ITGB6: variants seen among roughly 807,000 people sequenced by gnomAD.
The protein encoded by ITGB6 is integrin subunit beta 6.
ITGB6 carries 80 observed loss-of-function variants against 84.5 expected under a neutral mutation model. That is an observed-to-expected ratio of 0.95 (90% CI 0.79 to 1.14). ITGB6 has a LOEUF of 1.14. ITGB6 is among the 50% of genes most tolerant of loss of function. ITGB6 has a pLI of 0.00. For synonymous variants in ITGB6, 383 were observed against 354.9 expected (o/e 1.08, Z -0.89); for missense variants, 1,006 against 968.0 (o/e 1.04, Z -0.52).
chr2:160,110,187 G>A (rs1443590699), intron 13 of ITGB6, among the ~76,000 whole-genome samples: 1 of 152,148 alleles, frequency 6.6e-6, no homozygotes, highest in Non-Finnish European at 1.5e-5. Context: ...GGCTGCCAGA[G>A]CTCCTCCAAC....
At chr2:160,117,160 G>T (rs891641580) in intron 12 of ITGB6, among the ~76,000 whole-genome samples, 3 of 151,784 alleles carry the variant, frequency 2.0e-5, no homozygotes, top group Admixed American at 2.0e-4. Flanking sequence ...TGCACCAAGC[G>T]GACCTAATAG....
chr2:160,142,219 T>G, intron 7 of ITGB6, 148 bp from the exon 8 acceptor site: 1 of 581,932 alleles, frequency 1.7e-6, no homozygotes, highest in Non-Finnish European at 3.1e-6. Flanking sequence ...CTCCTGAAAC[T>G]GTAGCCTTTA....
chr2:160,137,686 C>A lies in ITGB6; in HGVS notation c.1408G>T (p.Gly470Trp), dbSNP rs55841905. Residue 470 changes from glycine to tryptophan, a missense_variant, in exon 10 of 15, where the codon GGG (glycine) becomes TGG (tryptophan). Coordinates refer to ENST00000283249, the MANE Select transcript of ITGB6 (RefSeq NM_000888.5). ...VEVNSSKCHH[G>W]NGSFQCGVCA... is the part of the protein sequence containing the mutation. ...ACCCCACACTGGAAAGAGCCGTTCC[C>A]GTGGTGACATTTGGAGCTGTTCACT... is the stretch of plus-strand genomic sequence containing the variant. 2 of 1,614,158 alleles carry A rather than the reference C, an allele frequency of 1.2e-6. No individual in the cohort carries two copies. The highest frequency in any genetic ancestry group is 1.7e-5 in the Admixed American group (1 of 60,024).
Position 160,101,772 on chromosome 2 carries a change from CCT to C in ITGB6, c.2329_2330del (p.Arg777GlyfsTer18). On this transcript the variant is annotated frameshift_variant, in exon 15 of 15. Transcript: ENST00000283249. LOFTEE classifies it high-confidence loss of function. ...STFKNVTYKH[R>X]EKQKVDLSTD... ...TGGAAAGGTCTACCTTTTGTTTTTC[CCT>C]GTGTTTATAAGTTACATTTTTAAAA... 1 of 1,599,820 alleles carries C rather than the reference CCT, an allele frequency of 6.3e-7. No individual in the cohort carries two copies. Among genetic ancestry groups the C allele is most frequent in the Non-Finnish European group, 8.6e-7 (1 of 1,168,454 alleles).
chr2:160,123,348 C>T (rs188851183), intron 12 of ITGB6, among the ~76,000 whole-genome samples: 1 of 152,204 alleles, frequency 6.6e-6, no homozygotes, highest in East Asian at 1.9e-4. Flanking sequence ...AACCAGAAAC[C>T]ACCCAGTATC....
At position 160,200,119 on chromosome 2, in the gene ITGB6, C is replaced by G; in HGVS notation, c.-56G>C. On this transcript the variant is annotated 5_prime_UTR_variant, in exon 1 of 15. Coordinates refer to ENST00000283249, the MANE Select transcript of ITGB6 (RefSeq NM_000888.5). Reference sequence around the variant, plus strand: ...AAAAAATGAATTACCTTCAGCGTTACAAGACCAACGCTGAATATCGTTAAA... The same window carrying G: ...AAAAAATGAATTACCTTCAGCGTTAGAAGACCAACGCTGAATATCGTTAAA... 7.4e-7 allele frequency: 1 copy of G among 1,347,360 alleles called. No homozygotes were observed. Among genetic ancestry groups the G allele is most frequent in the Non-Finnish European group, 1.1e-6 (1 of 939,486 alleles). 83.5% of individuals were successfully genotyped at this position (1,347,360 alleles called of 1,614,324 possible). A position where few individuals can be genotyped will look rare whatever the true frequency, so the allele number is the denominator to read the frequency against.
chr2:160,112,364 G>A (rs1682573867), intron 12 of ITGB6, among the ~76,000 whole-genome samples, 165 bp from the exon 13 acceptor site: 1 of 151,552 alleles, frequency 6.6e-6, no homozygotes, highest in South Asian at 2.1e-4. Flanking sequence ...TGAGGTTTTC[G>A]TTTTCACTCA....
At chr2:160,173,174 A>G (rs1685284340) in intron 5 of ITGB6, among the ~76,000 whole-genome samples, 1 of 152,162 alleles carries the variant, frequency 6.6e-6, no homozygotes, top group South Asian at 2.1e-4. Flanking sequence ...TTAGGCACAT[A>G]TTTCTCTTTC....
chr2:160,121,536 G>C (rs1369104270), intron 12 of ITGB6, among the ~76,000 whole-genome samples: 1 of 152,176 alleles, frequency 6.6e-6, no homozygotes, highest in Non-Finnish European at 1.5e-5. Context: ...TGTAATCCCA[G>C]CAATTTGGGA....
At chr2:160,115,272 C>T (rs774846913) in intron 12 of ITGB6, among the ~76,000 whole-genome samples, 6 of 152,220 alleles carry the variant, frequency 3.9e-5, no homozygotes, top group Admixed American at 6.5e-5. Context: ...ACACCTCACA[C>T]AGCCGGGTAC....
Position 160,172,691 on chromosome 2 carries a change from C to G in ITGB6, c.799G>C (p.Val267Leu), listed in dbSNP as rs139649173. ...TGAGAATCAGCATCACTCACAAAGA[C>G]CAGGAGGTGGAGGGAGTCATTCCGC... ...GWRNDSLHLL[V>L]FVSDADSHFG... Residue 267 changes from valine (V) to leucine (L), a missense_variant, in exon 6 of 15, where the codon GTC becomes CTC. Physicochemically the swap from Val to Leu is conservative, Grantham distance 32. Transcript: ENST00000283249. 6.2e-7 allele frequency: 1 copy of G among 1,606,286 alleles called. No individual in the cohort carries two copies. Among genetic ancestry groups the G allele is most frequent in the African/African-American group, 1.3e-5 (1 of 74,788 alleles).
intron 4 of ITGB6, among the ~76,000 whole-genome samples, chr2:160,177,615 T>C (rs1231316567): frequency 3.9e-5 from 6 of 152,128 alleles, no homozygotes; most frequent in Non-Finnish European, 8.8e-5. Flanking sequence ...ATTTTTTTCT[T>C]TGTAGTTTGT....
chr2:160,173,019 T>C (rs1685276080), intron 5 of ITGB6, among the ~76,000 whole-genome samples: 1 of 152,150 alleles, frequency 6.6e-6, no homozygotes, highest in African/African-American at 2.4e-5. Flanking sequence ...TTCAATTATT[T>C]TTACTATCCA....
intron 7 of ITGB6, among the ~76,000 whole-genome samples, chr2:160,152,794 T>C (rs1684479843): frequency 6.6e-6 from 1 of 152,156 alleles, no homozygotes; most frequent in Non-Finnish European, 1.5e-5. Flanking sequence ...AGCATTCCTA[T>C]AAACCATTAA....
chr2:160,166,209 A>G (rs951458309), intron 7 of ITGB6, among the ~76,000 whole-genome samples: 2 of 152,200 alleles, frequency 1.3e-5, no homozygotes, highest in African/African-American at 4.8e-5. Context: ...CAGCCAAGAG[A>G]TATTAATCAG....
chr2:160,181,630 G>C (rs1341786913), intron 4 of ITGB6, among the ~76,000 whole-genome samples: 1 of 152,212 alleles, frequency 6.6e-6, no homozygotes. Context: ...CACAGTGCTT[G>C]AGCTGTGCTA....
At chr2:160,137,078 A>G (rs997772290) in intron 10 of ITGB6, among the ~76,000 whole-genome samples, 1 of 152,106 alleles carries the variant, frequency 6.6e-6, no homozygotes, top group Non-Finnish European at 1.5e-5. Context: ...AAAAAAAAGA[A>G]AAGGTCAGTC....
intron 5 of ITGB6, 54 bp from the exon 6 acceptor site, chr2:160,172,784 G>A: frequency 7.1e-7 from 1 of 1,414,026 alleles, no homozygotes; most frequent in Non-Finnish European, 1.0e-6. Flanking sequence ...GGCATTTATT[G>A]AGTGTGGATC....
intron 7 of ITGB6, among the ~76,000 whole-genome samples, chr2:160,162,135 C>T (rs943971835): frequency 1.3e-5 from 2 of 152,104 alleles, no homozygotes; most frequent in Admixed American, 6.6e-5. Flanking sequence ...GATAAATTCT[C>T]TATAAATGGC....
Sources: allele counts gnomAD v4.1 joint callset (sites outside exome capture counted in the v4.1 genomes callset), GRCh38; gene constraint gnomAD v4.1.1; transcripts MANE v1.5; gene names NCBI Gene and HGNC (gene_info 2026-07-23, HGNC 2026-07-21).